The following CDIN1 variants were observed in gnomAD, a reference collection of about 807,000 sequenced individuals.
The protein encoded by CDIN1 is CDAN1-interacting nuclease 1.
CDIN1 carries 33 observed loss-of-function variants against 45.3 expected under a neutral mutation model. The observed-to-expected ratio is 0.73, with a 90% CI of 0.55 to 0.97. The LOEUF is 0.97. CDIN1 is among the 50% of genes least tolerant of loss of function. The pLI is 0.00. For synonymous variants in CDIN1, 118 were observed against 124.4 expected (o/e 0.95, Z 0.34); for missense variants, 303 against 339.4 (o/e 0.89, Z 0.84).
intron 10 of CDIN1, among the ~76,000 whole-genome samples, chr15:36,806,115 A>G (rs921679932): frequency 2.0e-5 from 3 of 152,172 alleles, no homozygotes; most frequent in African/African-American, 7.2e-5. Context: ...CTGTGTTGGT[A>G]TCTTTAGGGA....
intron 1 of CDIN1, among the ~76,000 whole-genome samples, chr15:36,615,496 AAAG>A (rs530051051): frequency 2.1e-3 from 315 of 152,348 alleles, no homozygotes; most frequent in Admixed American, 3.9e-3. Flanking sequence ...ATAATAATAA[AAAG>A]AACTCAATTT....
At position 36,709,223 on chromosome 15, in the gene CDIN1, A is replaced by C. The variant is rs954025420; in HGVS notation, c.545A>C (p.Asp182Ala). 7 of 1,595,420 alleles carry C rather than the reference A, an allele frequency of 4.4e-6. No individual in the cohort carries two copies. The African/African-American group carries it at 9.4e-5, about 21-fold the overall frequency. Reference sequence around the variant, plus strand: ...TAAATAGTGTTTGTTCTTCCTGTAGATGAAGATCAGCTTCGTGCAAAGGGT... The same window carrying C: ...TAAATAGTGTTTGTTCTTCCTGTAGCTGAAGATCAGCTTCGTGCAAAGGGT... ...LLLEKNLSFL[D>A]EDQLRAKGYD... The change falls in exon 9 of 11, where the codon GAT (aspartate) becomes GCT (alanine). Residue 182 changes from aspartate (D) to alanine (A), a missense_variant and splice_region_variant. Physicochemically the swap from Asp to Ala is moderately radical, Grantham distance 126. Coordinates refer to ENST00000566621, the MANE Select transcript of CDIN1 (RefSeq NM_001321759.2).
chr15:36,752,445 A>G (rs1419037233), intron 10 of CDIN1, among the ~76,000 whole-genome samples: 2 of 152,206 alleles, frequency 1.3e-5, no homozygotes, highest in Non-Finnish European at 2.9e-5. Flanking sequence ...TTTGTTGAAT[A>G]TTGGTGGTGA....
At chr15:36,688,074 A>G (rs927572084) in intron 5 of CDIN1, among the ~76,000 whole-genome samples, 11 of 152,226 alleles carry the variant, frequency 7.2e-5, no homozygotes, top group Admixed American at 5.9e-4. Context: ...TTGAAAATGA[A>G]TTTTATAAAA....
intron 1 of CDIN1, among the ~76,000 whole-genome samples, chr15:36,581,957 T>C (rs1335387625): frequency 6.6e-6 from 1 of 152,258 alleles, no homozygotes; most frequent in Non-Finnish European, 1.5e-5. Context: ...AAATGTCACC[T>C]TTCATTATAC....
chr15:36,703,397 A>ATG lies in CDIN1; in HGVS notation c.545-5825_545-5824insGT, dbSNP rs1209927713. ...ATATATATATATATCAGATATATATATATATGATATACATATATATCAGAT... is the reference window on the plus strand; with the variant it reads ...ATATATATATATATCAGATATATATATGTATATGATATACATATATATCAGAT... On this transcript the variant is annotated intron_variant, in intron 8 of 10. Coordinates refer to ENST00000566621, the MANE Select transcript of CDIN1 (RefSeq NM_001321759.2). Among the ~76,000 whole-genome samples the ATG allele has an allele frequency of 8.2e-5, 2 of 24,258 alleles. 1 individual carries two copies. Among genetic ancestry groups the ATG allele is most frequent in the Non-Finnish European group, 1.5e-4 (2 of 13,358 alleles). The allele number at this position is 24,258 out of a possible 152,430, so 15.9% of individuals were successfully genotyped here. A position where few individuals can be genotyped will look rare whatever the true frequency, so the allele number is the denominator to read the frequency against.
At chr15:36,621,066 G>A (rs2039164538) in intron 1 of CDIN1, among the ~76,000 whole-genome samples, 1 of 152,132 alleles carries the variant, frequency 6.6e-6, no homozygotes, top group African/African-American at 2.4e-5. Flanking sequence ...GCCATGTTGT[G>A]TTTATCTGTT....
chr15:36,637,684 A>G (rs749661575), intron 1 of CDIN1, among the ~76,000 whole-genome samples: 5 of 152,226 alleles, frequency 3.3e-5, no homozygotes, highest in Non-Finnish European at 5.9e-5. Context: ...CCACAGTAGT[A>G]ATATTCAACA....
At chr15:36,610,573 G>A (rs1473290278) in intron 1 of CDIN1, among the ~76,000 whole-genome samples, 1 of 152,184 alleles carries the variant, frequency 6.6e-6, no homozygotes, top group Non-Finnish European at 1.5e-5. Flanking sequence ...ATAACTGCGT[G>A]TGAGTGTGTA....
chr15:36,656,376 G>C (rs2040784207), intron 4 of CDIN1, among the ~76,000 whole-genome samples: 1 of 152,108 alleles, frequency 6.6e-6, no homozygotes, highest in Non-Finnish European at 1.5e-5. Context: ...GCTAAGGGCT[G>C]TATGTGGTCA....
At chr15:36,649,385 G>C (rs1281678950) in intron 3 of CDIN1, among the ~76,000 whole-genome samples, 1 of 152,172 alleles carries the variant, frequency 6.6e-6, no homozygotes, top group East Asian at 1.9e-4. Context: ...GGTGACCTGG[G>C]CTCCATTCCT....
At chr15:36,788,090 ATATATATATATATATATTTTT>A in intron 10 of CDIN1, among the ~76,000 whole-genome samples, 1 of 10,068 alleles carries the variant, frequency 9.9e-5, no homozygotes, top group African/African-American at 2.6e-4. Context: ...ATATATATAT[ATATATATATATATATATTTTT>A]TTTTTTTTTT....
chr15:36,618,942 G>A (rs1444258769), intron 1 of CDIN1: 12 of 1,550,810 alleles, frequency 7.7e-6, no homozygotes, highest in Non-Finnish European at 9.7e-6. Flanking sequence ...AACCCTGAAA[G>A]TTAAGTTATG....
chr15:36,618,313 A>G, intron 1 of CDIN1: 3 of 669,932 alleles, frequency 4.5e-6, no homozygotes, highest in South Asian at 3.5e-5. Flanking sequence ...AAATTTTTCA[A>G]CTGAAAGCAT....
At position 36,697,303 on chromosome 15, in the gene CDIN1, C is replaced by T. The variant is rs759187567; in HGVS notation, c.477-20C>T. ...TGGTATAATTCTGCCTGTGTTACCC[C>T]CTTAACTGAAACTTCCCAGTGCCAT... On this transcript the variant is annotated intron_variant, in intron 7 of 10. Coordinates refer to ENST00000566621, the MANE Select transcript of CDIN1 (RefSeq NM_001321759.2). 6 of 1,611,308 alleles carry T rather than the reference C, an allele frequency of 3.7e-6. No individual in the cohort carries two copies. Among genetic ancestry groups the T allele is most frequent in the Non-Finnish European group, 5.1e-6 (6 of 1,178,326 alleles).
chr15:36,602,469 A>G (rs1409781241), intron 1 of CDIN1, among the ~76,000 whole-genome samples: 1 of 152,198 alleles, frequency 6.6e-6, no homozygotes, highest in Non-Finnish European at 1.5e-5. Context: ...TTAAGTTTGA[A>G]AAATAAGGGG....
intron 10 of CDIN1, among the ~76,000 whole-genome samples, chr15:36,795,488 C>T (rs2054771139): frequency 6.6e-6 from 1 of 151,968 alleles, no homozygotes; most frequent in Non-Finnish European, 1.5e-5. Context: ...AACTTCATTG[C>T]CCTGAAATTG....
At chr15:36,788,311 T>C (rs1054654116) in intron 10 of CDIN1, among the ~76,000 whole-genome samples, 1 of 151,602 alleles carries the variant, frequency 6.6e-6, no homozygotes, top group African/African-American at 2.4e-5. Flanking sequence ...AGACAGGGTT[T>C]CTACATGTTG....
intron 5 of CDIN1, among the ~76,000 whole-genome samples, chr15:36,666,027 C>G (rs980269294): frequency 6.6e-6 from 1 of 152,016 alleles, no homozygotes. Flanking sequence ...TCTTTAGAAA[C>G]ACAATAACTT....
Sources: gnomAD v4.1 joint callset for allele counts (sites outside exome capture counted in the v4.1 genomes callset) on GRCh38, gnomAD v4.1.1 for gene constraint, MANE v1.5 for transcripts, NCBI Gene and HGNC (gene_info 2026-07-23, HGNC 2026-07-21) for gene names.